Variants in LOXHD1 observed in about 807,000 individuals in gnomAD.
LOXHD1 encodes lipoxygenase homology domain-containing protein 1.
In LOXHD1, 205 loss-of-function variants were observed where a neutral mutation model predicts 248.2. That is an observed-to-expected ratio of 0.83 (90% CI 0.74 to 0.93). The LOEUF (loss-of-function observed/expected upper bound fraction) is 0.93, where lower values mean the gene tolerates loss of function less well. LOXHD1 is among the 40% of genes least tolerant of loss of function. The pLI is 0.00. For missense variants in LOXHD1, 2,930 were observed against 2,971.6 expected (o/e 0.99, Z 0.33); for synonymous variants, 1,113 against 1,162.8 (o/e 0.96, Z 0.87).
chr18:46,534,398 C>T lies in LOXHD1; in HGVS notation c.4149G>A (p.Thr1383=), dbSNP rs373657978. ...AGCAGTGCCACCCAGGATTCATGCC[C>T]GTGTTATTATGGCCAATCCGAATTT... ...IEKIRIGHNN[T]GMNPGWHCSH... is the part of the protein sequence containing the mutation. Residue 1383 remains threonine (T), a synonymous_variant, in exon 27 of 41, where the codon ACG becomes ACA. Coordinates refer to ENST00000642948, the MANE Select transcript of LOXHD1 (RefSeq NM_001384474.1). 9.7e-5 allele frequency: 151 copies of T among 1,551,502 alleles called. No individual in the cohort carries two copies. The highest frequency in any genetic ancestry group is 1.7e-4 in the Middle Eastern group (1 of 6,014).
intron 36 of LOXHD1, 43 bp downstream of exon 36, chr18:46,507,495 G>A (rs1480495053): frequency 1.3e-6 from 2 of 1,548,962 alleles, no homozygotes; most frequent in Admixed American, 3.9e-5. Flanking sequence ...TTTGACGGTT[G>A]GAGTGGTAAG....
intron 21 of LOXHD1, among the ~76,000 whole-genome samples, chr18:46,547,594 G>A (rs1174478028): frequency 6.6e-6 from 1 of 152,146 alleles, no homozygotes; most frequent in Non-Finnish European, 1.5e-5. Flanking sequence ...AGACCCCTCA[G>A]CATGGAGGTA....
intron 21 of LOXHD1, chr18:46,556,818 A>C (rs2037356279): frequency 3.2e-5 from 4 of 126,112 alleles, no homozygotes; most frequent in Non-Finnish European, 4.5e-5. Flanking sequence ...CCTCACACAC[A>C]CCCACCCTCA....
chr18:46,552,217 A>G (rs1263512311), intron 21 of LOXHD1, among the ~76,000 whole-genome samples: 3 of 152,214 alleles, frequency 2.0e-5, no homozygotes, highest in Non-Finnish European at 2.9e-5. Flanking sequence ...TTTCTTACAC[A>G]ATTTTTTTTT....
At chr18:46,558,796 G>A (rs1221252714) in intron 20 of LOXHD1, among the ~76,000 whole-genome samples, 7 of 152,160 alleles carry the variant, frequency 4.6e-5, no homozygotes, top group African/African-American at 1.4e-4. Flanking sequence ...GGAAGAGTAA[G>A]GTATGTGTAT....
In LOXHD1 at chr18:46,577,768, T is replaced by C. The variant is rs559555757; in HGVS notation, c.1909A>G (p.Arg637Gly). 10 of 1,551,694 alleles carry C rather than the reference T, an allele frequency of 6.4e-6. No individual in the cohort carries two copies. In the South Asian group the frequency reaches 9.5e-5, roughly 15 times the overall value. The part of the protein sequence containing the change: ...KGSGSGWYLD[R>G]VLVREEGQPE... Reference sequence around the variant, plus strand: ...TGCCCCTCCTCTCTCACCAGCACTCTGTCCAGGTACCAGCCGCTGCCGGAG... The same window carrying C: ...TGCCCCTCCTCTCTCACCAGCACTCCGTCCAGGTACCAGCCGCTGCCGGAG... The change falls in exon 14 of 41, where the codon AGA becomes GGA. Residue 637 changes from arginine to glycine, a missense_variant. Transcript: ENST00000642948.
intron 28 of LOXHD1, among the ~76,000 whole-genome samples, chr18:46,529,777 A>G: frequency 1.3e-5 from 2 of 152,134 alleles, no homozygotes; most frequent in Middle Eastern, 3.4e-3. Flanking sequence ...CACAGAAAGA[A>G]AATATTTTGT....
intron 37 of LOXHD1, among the ~76,000 whole-genome samples, chr18:46,496,688 C>T (rs1323412229): frequency 1.3e-5 from 2 of 152,192 alleles, no homozygotes; most frequent in Non-Finnish European, 2.9e-5. Flanking sequence ...AACCTAGTAT[C>T]TCAACCACAT....
intron 34 of LOXHD1, among the ~76,000 whole-genome samples, chr18:46,515,914 G>A (rs920526382): frequency 2.0e-5 from 3 of 152,234 alleles, no homozygotes; most frequent in Non-Finnish European, 2.9e-5. Flanking sequence ...CCAGACCGAC[G>A]GACCAAATCC....
intron 28 of LOXHD1, among the ~76,000 whole-genome samples, 175 bp downstream of exon 28, chr18:46,532,987 C>T (rs1377713980): frequency 6.6e-6 from 1 of 152,220 alleles, no homozygotes; most frequent in Non-Finnish European, 1.5e-5. Flanking sequence ...TAGCTGTGTG[C>T]ACTTAGGCAG....
chr18:46,532,226 C>T (rs932817068), intron 28 of LOXHD1, among the ~76,000 whole-genome samples: 5 of 152,212 alleles, frequency 3.3e-5, no homozygotes, highest in African/African-American at 1.2e-4. Context: ...CTTTTTCTAT[C>T]ATCAGGGGTA....
At chr18:46,645,776 A>G (rs1742839408) in intron 2 of LOXHD1, among the ~76,000 whole-genome samples, 1 of 152,182 alleles carries the variant, frequency 6.6e-6, no homozygotes, top group Admixed American at 6.5e-5. Flanking sequence ...ACTAGGAAAA[A>G]AAAAAATCCT....
At chr18:46,591,858 T>G in intron 12 of LOXHD1, 75 bp downstream of exon 12, 2 of 1,523,356 alleles carry the variant, frequency 1.3e-6, no homozygotes, top group South Asian at 2.4e-5. Flanking sequence ...GACTCTCAGC[T>G]CATAGGTCAG....
chr18:46,508,829 C>G (rs987881592), intron 35 of LOXHD1, among the ~76,000 whole-genome samples: 1 of 152,204 alleles, frequency 6.6e-6, no homozygotes, highest in African/African-American at 2.4e-5. Flanking sequence ...ATGGAAAGCC[C>G]TTGGACTCCT....
rs115344055 is a variant in LOXHD1 at position 46,642,269 on chromosome 18, G to A, written c.246-233C>T. Among the ~76,000 whole-genome samples, 890 of 152,318 alleles carry A rather than the reference G, an allele frequency of 5.8e-3. 13 individuals are homozygous for A. Among genetic ancestry groups the A allele is most frequent in the African/African-American group, 0.021 (861 of 41,574 alleles). On this transcript the variant is annotated intron_variant, in intron 2 of 40. Transcript: ENST00000642948. ...GGTTCTCATTTGATCCTTGCTGTGA[G>A]TCACTAAAACAAGCACACAGACAAT...
intron 5 of LOXHD1, among the ~76,000 whole-genome samples, chr18:46,616,054 C>A (rs1220028425): frequency 1.3e-5 from 2 of 152,080 alleles, no homozygotes; most frequent in Admixed American, 6.6e-5. Flanking sequence ...TATTTCATCC[C>A]ATTTATTCTC....
chr18:46,543,638 A>T (rs973556899), intron 23 of LOXHD1, among the ~76,000 whole-genome samples: 1 of 151,854 alleles, frequency 6.6e-6, no homozygotes, highest in African/African-American at 2.4e-5. Flanking sequence ...TCACTGTTCA[A>T]CTCACAGTGG....
intron 2 of LOXHD1, among the ~76,000 whole-genome samples, chr18:46,647,497 G>A (rs964249511): frequency 3.3e-5 from 5 of 152,164 alleles, no homozygotes; most frequent in Non-Finnish European, 5.9e-5. Context: ...AAACCAACCG[G>A]GCGACTCCCT....
intron 33 of LOXHD1, among the ~76,000 whole-genome samples, chr18:46,519,555 C>T (rs886203760): frequency 6.6e-6 from 1 of 152,242 alleles, no homozygotes; most frequent in East Asian, 1.9e-4. Context: ...CAAGAAAATC[C>T]CCTTAGGCCA....
Sources: gnomAD v4.1 joint callset for allele counts (sites outside exome capture counted in the v4.1 genomes callset) on GRCh38, gnomAD v4.1.1 for gene constraint, MANE v1.5 for transcripts, NCBI Gene and HGNC (gene_info 2026-07-23, HGNC 2026-07-21) for gene names.